The following PTPRD variants were observed in gnomAD, a reference collection of about 807,000 sequenced individuals.
PTPRD encodes protein tyrosine phosphatase receptor type D.
A neutral mutation model predicts 214.5 loss-of-function variants in PTPRD; 34 were observed. The ratio of observed to expected loss-of-function variants is 0.16; its 90% CI spans 0.12 to 0.21. The LOEUF (loss-of-function observed/expected upper bound fraction) is 0.21. Among genes scored for constraint, PTPRD ranks in the 10% least tolerant of loss-of-function variants. PTPRD has a pLI of 1.00. For synonymous variants in PTPRD, 1,128 were observed against 845.7 expected, an observed-to-expected ratio of 1.33 and a Z score of -5.79; for missense variants, 2,545 against 2,398.7, an observed-to-expected ratio of 1.06 and a Z score of -1.27.
chr9:9,335,111 T>C (rs1001886966), intron 9 of PTPRD, among the ~76,000 whole-genome samples: 3 of 152,042 alleles, frequency 2.0e-5, no homozygotes, highest in Non-Finnish European at 4.4e-5. Context: ...CTGACAAAAT[T>C]ACATCAACTG....
At chr9:9,814,005 C>A (rs2153552065) in intron 5 of PTPRD, among the ~76,000 whole-genome samples, 1 of 152,122 alleles carries the variant, frequency 6.6e-6, no homozygotes, top group South Asian at 2.1e-4. Flanking sequence ...ATATGCAAGT[C>A]AATAAGTTTT....
At chr9:9,391,865 A>G (rs888768838) in intron 9 of PTPRD, among the ~76,000 whole-genome samples, 7 of 152,140 alleles carry the variant, frequency 4.6e-5, no homozygotes, top group Non-Finnish European at 4.4e-5. Flanking sequence ...CTGCCTTCTT[A>G]TTTGGAATGT....
chr9:10,018,801 G>A (rs1398774026), intron 4 of PTPRD, among the ~76,000 whole-genome samples: 5 of 151,526 alleles, frequency 3.3e-5, no homozygotes, highest in South Asian at 4.2e-4. Context: ...CGCCCGCCTC[G>A]GCCTCCCAAA....
intron 6 of PTPRD, among the ~76,000 whole-genome samples, chr9:9,750,914 G>A (rs1425033077): frequency 6.6e-6 from 1 of 152,028 alleles, no homozygotes; most frequent in Admixed American, 6.6e-5. Flanking sequence ...GGCAGAACAA[G>A]ATTAATGAGC....
rs145703989 is a variant in PTPRD at position 9,450,950 on chromosome 9, T to TACACACACACACACAC, written c.-236-53484_-236-53469dup. 3.3e-3 allele frequency among the ~76,000 whole-genome samples: 450 copies of TACACACACACACACAC among 136,506 alleles called. 3 individuals carry two copies. Among genetic ancestry groups the TACACACACACACACAC allele is most frequent in the African/African-American group, 7.4e-3 (263 of 35,664 alleles). The allele number at this position is 136,506 out of a possible 152,430, so 89.6% of individuals were successfully genotyped here. On this transcript the variant is annotated intron_variant, in intron 8 of 45. Transcript: ENST00000381196. Reference sequence around the variant, plus strand: ...ACATCTAAGTAAATACATACATACATACACACACACACACACACACACACA... The same window carrying TACACACACACACACAC: ...ACATCTAAGTAAATACATACATACATACACACACACACACACACACACACACACACACACACACACA...
chr9:9,808,848 T>C (rs1326902810), intron 5 of PTPRD, among the ~76,000 whole-genome samples: 1 of 152,156 alleles, frequency 6.6e-6, no homozygotes, highest in Non-Finnish European at 1.5e-5. Context: ...CATAGCTCAC[T>C]GAAACCTCAA....
chr9:9,966,588 A>G (rs1475748181), intron 4 of PTPRD, among the ~76,000 whole-genome samples: 1 of 152,180 alleles, frequency 6.6e-6, no homozygotes, highest in Non-Finnish European at 1.5e-5. Flanking sequence ...CCTGCTTATT[A>G]TCTGAATTCA....
At chr9:8,820,482 G>A (rs146864049) in intron 11 of PTPRD, among the ~76,000 whole-genome samples, 46 of 152,136 alleles carry the variant, frequency 3.0e-4, no homozygotes, top group African/African-American at 9.9e-4. Context: ...ATTATAAAAT[G>A]TCAGAAAAAA....
chr9:10,382,064 C>G (rs1308821295), intron 2 of PTPRD, among the ~76,000 whole-genome samples: 1 of 151,868 alleles, frequency 6.6e-6, no homozygotes, highest in Non-Finnish European at 1.5e-5. Context: ...AGTAAGTCGT[C>G]TAATGTCTGC....
chr9:8,467,970 G>A (rs578195193), intron 31 of PTPRD, among the ~76,000 whole-genome samples: 29 of 152,044 alleles, frequency 1.9e-4, no homozygotes, highest in Non-Finnish European at 3.4e-4. Flanking sequence ...TTATGTGACT[G>A]TGTCCCCTCT....
In PTPRD at chr9:8,616,775, G is replaced by C. The variant is rs181675513; in HGVS notation, c.352+16542C>G. ...TGCCGATGTTATTACAGAGGGGCTA[G>C]ACAGTTTTATTCTTAGATGTTTTGG... On this transcript the variant is annotated intron_variant, in intron 14 of 45. Transcript: ENST00000381196. 4.7e-3 allele frequency among the ~76,000 whole-genome samples: 723 copies of C among 152,276 alleles called. 9 individuals are homozygous for C. The highest frequency in any genetic ancestry group is 0.015 in the African/African-American group (618 of 41,580).
intron 11 of PTPRD, among the ~76,000 whole-genome samples, chr9:8,878,208 C>G (rs1465127182): frequency 1.3e-5 from 2 of 152,138 alleles, no homozygotes; most frequent in East Asian, 3.9e-4. Context: ...GGAGCTTGAT[C>G]ATTCGTAGGA....
chr9:9,251,487 A>G (rs1241663877), intron 9 of PTPRD, among the ~76,000 whole-genome samples: 2 of 151,804 alleles, frequency 1.3e-5, no homozygotes, highest in Non-Finnish European at 2.9e-5. Context: ...TATTTTGAAA[A>G]CTACTATTCA....
At chr9:9,263,939 G>A (rs1937650050) in intron 9 of PTPRD, among the ~76,000 whole-genome samples, 1 of 151,520 alleles carries the variant, frequency 6.6e-6, no homozygotes, top group Admixed American at 6.6e-5. Context: ...ATAAAGAATA[G>A]TTTCCCAAGA....
At chr9:9,492,525 A>G (rs912143172) in intron 8 of PTPRD, among the ~76,000 whole-genome samples, 1 of 152,098 alleles carries the variant, frequency 6.6e-6, no homozygotes, top group African/African-American at 2.4e-5. Flanking sequence ...GATTAATGTA[A>G]TATACCACCT....
At chr9:9,814,321 G>GCTT (rs780904257) in intron 5 of PTPRD, among the ~76,000 whole-genome samples, 2 of 131,268 alleles carry the variant, frequency 1.5e-5, no homozygotes, top group Non-Finnish European at 3.2e-5. Flanking sequence ...AAAAAAAAAA[G>GCTT]CATCCAAATC....
intron 7 of PTPRD, among the ~76,000 whole-genome samples, chr9:9,665,449 A>C (rs2096704176): frequency 6.6e-6 from 1 of 151,816 alleles, no homozygotes; most frequent in Non-Finnish European, 1.5e-5. Flanking sequence ...AATATAGAAG[A>C]AAGAAAACTA....
At chr9:8,318,024 T>C in intron 45 of PTPRD, 82 bp from the exon 46 acceptor site, 5 of 1,254,602 alleles carry the variant, frequency 4.0e-6, no homozygotes, top group Admixed American at 1.8e-5. Flanking sequence ...CAATATTGCA[T>C]AACAAAATAA....
At chr9:9,152,201 C>T (rs1414720691) in intron 10 of PTPRD, among the ~76,000 whole-genome samples, 5 of 152,134 alleles carry the variant, frequency 3.3e-5, no homozygotes, top group Non-Finnish European at 7.4e-5. Context: ...ATCCTTTAAC[C>T]AAGCTTTCTG....
Sources: gnomAD v4.1 joint callset for allele counts (sites outside exome capture counted in the v4.1 genomes callset) on GRCh38, gnomAD v4.1.1 for gene constraint, MANE v1.5 for transcripts, NCBI Gene and HGNC (gene_info 2026-07-23, HGNC 2026-07-21) for gene names.